TMEM132C: variants seen among roughly 807,000 people sequenced by gnomAD.
TMEM132C encodes transmembrane protein 132C.
Under a neutral mutation model 61.4 loss-of-function variants are expected in TMEM132C, and 29 were observed. The observed-to-expected ratio is 0.47, with a 90% CI of 0.35 to 0.64. The LOEUF is 0.64. Ranked by LOEUF, TMEM132C falls within the 30% of genes least tolerant of loss-of-function variation. The pLI, the probability that TMEM132C is intolerant of heterozygous loss-of-function variation, is 0.00. For missense variants in TMEM132C, 1,408 were observed against 1,476.9 expected, an observed-to-expected ratio of 0.95 and a Z score of 0.76; for synonymous variants, 656 against 633.1, an observed-to-expected ratio of 1.04 and a Z score of -0.54.
chr12:128,598,965 C>T (rs988580612), intron 3 of TMEM132C, among the ~76,000 whole-genome samples: 5 of 152,146 alleles, frequency 3.3e-5, no homozygotes, highest in Admixed American at 1.3e-4. Flanking sequence ...CTACATTTTC[C>T]GGACCCCTTG....
At chr12:128,272,741 A>C (rs2135890793) in intron 1 of TMEM132C, among the ~76,000 whole-genome samples, 1 of 152,208 alleles carries the variant, frequency 6.6e-6, no homozygotes, top group African/African-American at 2.4e-5. Context: ...TTGAGGTTTT[A>C]ATTTTTGCCC....
intron 4 of TMEM132C, among the ~76,000 whole-genome samples, chr12:128,640,936 T>C (rs1253442803): frequency 1.3e-5 from 2 of 152,176 alleles, no homozygotes; most frequent in African/African-American, 4.8e-5. Flanking sequence ...GTATGTGCGT[T>C]GTATCTCAAT....
At position 128,706,273 on chromosome 12, in the gene TMEM132C, A is replaced by G. The variant is rs1309441901; in HGVS notation, c.3305A>G (p.Glu1102Gly). The G allele has an allele frequency of 2.1e-5, 32 of 1,545,444 alleles. No individual in the cohort carries two copies. Among genetic ancestry groups the G allele is most frequent in the Non-Finnish European group, 2.7e-5 (31 of 1,143,310 alleles). The change falls in exon 9 of 9, where the codon GAG becomes GGG. Residue 1102 changes from glutamate (E) to glycine (G), a missense_variant. Transcript: ENST00000435159. ...GAPKELRNYL[E>G]KLKDKA ...CCCAAGGAACTTAGAAACTATCTGG[A>G]GAAACTCAAAGATAAGGCTTAGGCC...
chr12:128,413,103 C>T (rs1476041900), intron 1 of TMEM132C, among the ~76,000 whole-genome samples: 1 of 151,958 alleles, frequency 6.6e-6, no homozygotes, highest in Non-Finnish European at 1.5e-5. Context: ...TCTAGACCCT[C>T]CTGGCTAACA....
chr12:128,586,469 C>T lies in TMEM132C; in HGVS notation c.1122-29683C>T, dbSNP rs376868243. ...ACCTACTTTGCAAGACTAGAATTCT[C>T]CTCTGTTATGGTTAGAAGGATTATT... is the stretch of plus-strand genomic sequence containing the variant. On this transcript the variant is annotated intron_variant, in intron 3 of 8. Transcript: ENST00000435159. Among the ~76,000 whole-genome samples the T allele has an allele frequency of 2.0e-5, 3 of 151,948 alleles. No homozygotes were observed. The East Asian group carries it at 5.8e-4, about 29-fold the overall frequency.
At chr12:128,524,937 G>T (rs955275577) in intron 2 of TMEM132C, among the ~76,000 whole-genome samples, 31 of 152,192 alleles carry the variant, frequency 2.0e-4, no homozygotes, top group African/African-American at 7.2e-4. Context: ...TGAGGAGTGG[G>T]ATAGAAGACT....
At chr12:128,542,397 C>T (rs1392964625) in intron 2 of TMEM132C, among the ~76,000 whole-genome samples, 1 of 152,128 alleles carries the variant, frequency 6.6e-6, no homozygotes, top group Non-Finnish European at 1.5e-5. Context: ...CCTCCGCCTC[C>T]CAGGTTCAAG....
chr12:128,583,392 C>CAA (rs11327866), intron 3 of TMEM132C, among the ~76,000 whole-genome samples: 35 of 130,246 alleles, frequency 2.7e-4, no homozygotes, highest in South Asian at 7.0e-4. Context: ...GAATATTGGT[C>CAA]AAAAAAAAAA....
chr12:128,516,236 G>A (rs952876039), intron 2 of TMEM132C, among the ~76,000 whole-genome samples: 2 of 151,930 alleles, frequency 1.3e-5, no homozygotes, highest in African/African-American at 2.4e-5. Flanking sequence ...AGCCAAACAC[G>A]AGACACAGTG....
At chr12:128,446,378 C>T (rs924462003) in intron 2 of TMEM132C, among the ~76,000 whole-genome samples, 1 of 152,218 alleles carries the variant, frequency 6.6e-6, no homozygotes, top group African/African-American at 2.4e-5. Flanking sequence ...AGGGCTCAGA[C>T]AGAATGTAGG....
Position 128,707,546 on chromosome 12 carries a change from T to A in TMEM132C, c.*1251T>A, listed in dbSNP as rs2135665583. On this transcript the variant is annotated 3_prime_UTR_variant, in exon 9 of 9. Coordinates refer to ENST00000435159, the MANE Select transcript of TMEM132C (RefSeq NM_001136103.3). ...ACAGCATAATTGTGTAGCAGCACAT[T>A]GCAAAAATGCATTCATCCAAAGCGA... 1 of 152,358 alleles carries A rather than the reference T, an allele frequency of 6.6e-6. No homozygotes were observed. The highest frequency in any genetic ancestry group is 1.9e-4 in the East Asian group (1 of 5,182). The allele number at this position is 152,358 out of a possible 1,614,324, so 9.4% of individuals were successfully genotyped here. A position where few individuals can be genotyped will look rare whatever the true frequency, so the allele number is the denominator to read the frequency against.
intron 4 of TMEM132C, among the ~76,000 whole-genome samples, chr12:128,625,236 G>T (rs1343674322): frequency 1.3e-5 from 2 of 152,166 alleles, no homozygotes; most frequent in African/African-American, 4.8e-5. Context: ...AAACAGCATG[G>T]TTTATAAATA....
Position 128,278,713 on chromosome 12 carries a change from T to C in TMEM132C, c.85+11226T>C, listed in dbSNP as rs1870774265. On this transcript the variant is annotated intron_variant, in intron 1 of 8. Coordinates refer to ENST00000435159, the MANE Select transcript of TMEM132C (RefSeq NM_001136103.3). The surrounding 1 kb of genome is among the most constrained non-coding windows in gnomAD (Gnocchi z 4.2). ...TTGTCTTAACTTGTGTGGGCCACGGTTCCCAGATATTTGTGCAGACTTGAT... is the reference window on the plus strand; with the variant it reads ...TTGTCTTAACTTGTGTGGGCCACGGCTCCCAGATATTTGTGCAGACTTGAT... Among the ~76,000 whole-genome samples, 1 of 151,886 alleles carries C rather than the reference T, an allele frequency of 6.6e-6. No homozygotes were observed. Among genetic ancestry groups the C allele is most frequent in the African/African-American group, 2.4e-5 (1 of 41,340 alleles).
At chr12:128,681,620 C>T (rs564533732) in intron 5 of TMEM132C, among the ~76,000 whole-genome samples, 32 of 151,278 alleles carry the variant, frequency 2.1e-4, no homozygotes, top group Admixed American at 8.6e-4. Flanking sequence ...GTTGTCCTGT[C>T]CTACCATGGC....
rs374618402 is a variant in TMEM132C at position 128,632,338 on chromosome 12, CATT to C, written c.1305+16011_1305+16013del. 3.9e-3 allele frequency among the ~76,000 whole-genome samples: 599 copies of C among 152,196 alleles called. 3 individuals are homozygous for C. Among genetic ancestry groups the C allele is most frequent in the African/African-American group, 0.012 (507 of 41,494 alleles). ...TTAAATACTATAGAAAAATATTGGC[CATT>C]ATTATTAATTAGTAGCAGTAGTAAC... On this transcript the variant is annotated intron_variant, in intron 4 of 8. Transcript: ENST00000435159.
intron 2 of TMEM132C, among the ~76,000 whole-genome samples, chr12:128,427,250 C>G (rs144056107): frequency 1.2e-3 from 187 of 152,240 alleles, no homozygotes; most frequent in African/African-American, 4.3e-3. Flanking sequence ...ATTTCAAAAG[C>G]ATTTTGATTG....
At chr12:128,460,384 G>T (rs570471787) in intron 2 of TMEM132C, among the ~76,000 whole-genome samples, 9 of 152,262 alleles carry the variant, frequency 5.9e-5, no homozygotes, top group Admixed American at 4.6e-4. Flanking sequence ...AGCAAATCCA[G>T]ACCTATGTCT....
At chr12:128,317,990 A>AAAAATATAG (rs1872206629) in intron 1 of TMEM132C, among the ~76,000 whole-genome samples, 2 of 152,244 alleles carry the variant, frequency 1.3e-5, no homozygotes, top group Non-Finnish European at 2.9e-5. Flanking sequence ...AGAAGACATC[A>AAAAATATAG]AAAATATAGA....
chr12:128,482,463 T>G (rs963751773), intron 2 of TMEM132C, among the ~76,000 whole-genome samples: 1 of 152,190 alleles, frequency 6.6e-6, no homozygotes, highest in Non-Finnish European at 1.5e-5. Flanking sequence ...CTGTCAGGTT[T>G]GGGTATCAGG....
Sources: gnomAD v4.1 joint callset for allele counts (sites outside exome capture counted in the v4.1 genomes callset) on GRCh38, gnomAD v4.1.1 for gene constraint, Gnocchi (gnomAD v3.1) non-coding constraint, MANE v1.5 for transcripts, NCBI Gene and HGNC (gene_info 2026-07-23, HGNC 2026-07-21) for gene names.